PAK1: variants seen among roughly 807,000 people sequenced by gnomAD.
PAK1 encodes the protein serine/threonine-protein kinase PAK 1.
PAK1 carries 29 observed loss-of-function variants against 67.4 expected under a neutral mutation model. The ratio of observed to expected loss-of-function variants is 0.43; its 90% confidence interval spans 0.32 to 0.59. The LOEUF (loss-of-function observed/expected upper bound fraction) is 0.59, where lower values mean the gene tolerates loss of function less well. PAK1 is among the 20% of genes least tolerant of loss of function. PAK1 has a pLI of 0.07. For missense variants in PAK1, 337 were observed against 670.7 expected (o/e 0.50, Z 5.50); for synonymous variants, 223 against 237.4 (o/e 0.94, Z 0.56).
chr11:77,353,917 GAC>G (rs1210445213), intron 7 of PAK1, among the ~76,000 whole-genome samples: 1 of 152,164 alleles, frequency 6.6e-6, no homozygotes, highest in African/African-American at 2.4e-5. Flanking sequence ...GAAGAGATAT[GAC>G]ACAGTCAAGG....
chr11:77,519,983 G>C, the PAK1 span, among the ~76,000 whole-genome samples: 1 of 151,628 alleles, frequency 6.6e-6, no homozygotes, highest in South Asian at 2.1e-4. Context: ...TGGAAGCCAG[G>C]CTCCTCCCCT....
intron 5 of PAK1, among the ~76,000 whole-genome samples, chr11:77,367,849 G>A (rs928997146): frequency 1.3e-5 from 2 of 152,174 alleles, no homozygotes; most frequent in African/African-American, 4.8e-5. Flanking sequence ...GCATGGTGGT[G>A]CGTGCCTGCA....
the PAK1 span, among the ~76,000 whole-genome samples, chr11:77,481,815 C>T: frequency 6.6e-6 from 1 of 152,000 alleles, no homozygotes; most frequent in Non-Finnish European, 1.5e-5. Context: ...TAGAACATGT[C>T]TCTCCAGGAA....
At chr11:77,514,609 A>G in the PAK1 span, among the ~76,000 whole-genome samples, 18 of 152,218 alleles carry the variant, frequency 1.2e-4, no homozygotes, top group African/African-American at 4.3e-4. Flanking sequence ...AAAAACATCT[A>G]GAAAAGTTTC....
intron 1 of PAK1, among the ~76,000 whole-genome samples, chr11:77,431,210 T>A (rs751529756): frequency 6.6e-6 from 1 of 152,242 alleles, no homozygotes; most frequent in Non-Finnish European, 1.5e-5. Flanking sequence ...TACTACATTA[T>A]CTGCATTATT....
the PAK1 span, among the ~76,000 whole-genome samples, chr11:77,510,276 C>T: frequency 6.6e-6 from 1 of 152,196 alleles, no homozygotes; most frequent in Non-Finnish European, 1.5e-5. Flanking sequence ...TATTACCTCT[C>T]TAAATTTTGT....
the PAK1 span, among the ~76,000 whole-genome samples, chr11:77,509,614 G>A: frequency 6.6e-6 from 1 of 152,202 alleles, no homozygotes; most frequent in African/African-American, 2.4e-5. Context: ...AATCCCCAAT[G>A]CTGGAGGTAG....
chr11:77,435,916 TTTCCAACAAAC>T (rs1469643800), intron 1 of PAK1, among the ~76,000 whole-genome samples: 1 of 152,152 alleles, frequency 6.6e-6, no homozygotes, highest in Non-Finnish European at 1.5e-5. Context: ...TTTGTGTGTT[TTTCCAACAAAC>T]TAAAGGGAAA....
At chr11:77,395,857 G>C (rs980452701) in intron 1 of PAK1, among the ~76,000 whole-genome samples, 5 of 152,116 alleles carry the variant, frequency 3.3e-5, no homozygotes, top group African/African-American at 1.2e-4. Context: ...TCTCTTCCCA[G>C]ATTTACCTTT....
intron 1 of PAK1, among the ~76,000 whole-genome samples, chr11:77,436,635 T>A (rs1956142346): frequency 6.6e-6 from 1 of 152,240 alleles, no homozygotes; most frequent in African/African-American, 2.4e-5. Flanking sequence ...AGAAGTCAGA[T>A]GTTAAAGAAA....
chr11:77,479,764 C>T, the PAK1 span, among the ~76,000 whole-genome samples: 8 of 151,664 alleles, frequency 5.3e-5, no homozygotes, highest in African/African-American at 1.7e-4. Flanking sequence ...CCCACCAGCA[C>T]ACCCGGCTAA....
chr11:77,392,677 C>A, intron 1 of PAK1, 136 bp from the exon 2 acceptor site: 1 of 548,876 alleles, frequency 1.8e-6, no homozygotes. Context: ...CACTGCACAC[C>A]ATGATATTGC....
intron 5 of PAK1, among the ~76,000 whole-genome samples, chr11:77,366,132 C>T (rs114150065): frequency 1.2e-3 from 179 of 152,136 alleles, no homozygotes; most frequent in African/African-American, 3.5e-3. Context: ...AAAATGAAGA[C>T]GAAATAAAGA....
chr11:77,423,440 CA>C lies in PAK1; in HGVS notation c.-21-30900del, dbSNP rs1457556059. ...ACACACACACACACACACACACACA[CA>C]CCCCTTAGGACAATAGTAATCATCA... On this transcript the variant is annotated intron_variant, in intron 1 of 14. Coordinates refer to ENST00000356341, the MANE Select transcript of PAK1 (RefSeq NM_002576.5). Among the ~76,000 whole-genome samples the C allele has an allele frequency of 1.5e-4, 23 of 149,984 alleles. No homozygotes were observed. The East Asian group carries it at 1.9e-3, about 13-fold the overall frequency.
intron 1 of PAK1, among the ~76,000 whole-genome samples, chr11:77,462,944 A>C (rs1957422446): frequency 9.0e-6 from 1 of 111,566 alleles, no homozygotes; most frequent in South Asian, 3.1e-4. Context: ...ACTATAGGTT[A>C]GGCACTGGGG....
rs2729761 is a variant in PAK1, at chr11:77,380,529, A to C, written c.191-535T>G. On this transcript the variant is annotated intron_variant, in intron 2 of 14. Transcript: ENST00000356341. The stretch of plus-strand genomic sequence containing the variant: ...AAACAATAAAATAAAGGGAGAGGCA[A>C]AAAGATCGTCTGTCAGAGTTAACAG... Among the ~76,000 whole-genome samples, 5 of 152,070 alleles carry C rather than the reference A, an allele frequency of 3.3e-5. No individual in the cohort carries two copies. In the South Asian group the frequency reaches 1.0e-3, roughly 32 times the overall value.
intron 9 of PAK1, among the ~76,000 whole-genome samples, chr11:77,345,776 C>A (rs1435768386): frequency 6.6e-6 from 1 of 152,162 alleles, no homozygotes; most frequent in East Asian, 1.9e-4. Context: ...ACATGTTGAT[C>A]TAAAGATATT....
At chr11:77,436,689 C>T (rs1449186535) in intron 1 of PAK1, among the ~76,000 whole-genome samples, 2 of 152,154 alleles carry the variant, frequency 1.3e-5, no homozygotes, top group African/African-American at 2.4e-5. Context: ...TGATACACAG[C>T]CAGTGCCAAT....
At chr11:77,323,973 C>T (rs1939025897) in intron 14 of PAK1, among the ~76,000 whole-genome samples, 1 of 152,080 alleles carries the variant, frequency 6.6e-6, no homozygotes, top group South Asian at 2.1e-4. Context: ...GAGCATTGAT[C>T]TAGGAATTTA....
Sources: gnomAD v4.1 joint callset for allele counts (sites outside exome capture counted in the v4.1 genomes callset) on GRCh38, gnomAD v4.1.1 for gene constraint, MANE v1.5 for transcripts, NCBI Gene and HGNC (gene_info 2026-07-23, HGNC 2026-07-21) for gene names.